The following DLG2 variants were observed in gnomAD, a reference collection of about 807,000 sequenced individuals.
DLG2 encodes disks large homolog 2.
In DLG2, 45 loss-of-function variants were observed where a neutral mutation model predicts 132.5. The observed-to-expected ratio is 0.34, with a 90% CI of 0.27 to 0.44. DLG2 has a LOEUF of 0.44. DLG2 is among the 20% of genes least tolerant of loss of function. The pLI is 1.00. For synonymous variants in DLG2, 424 were observed against 419.6 expected (o/e 1.01, Z -0.13); for missense variants, 1,045 against 1,196.9 (o/e 0.87, Z 1.87).
At chr11:84,920,332 T>C (rs1306644363) in intron 6 of DLG2, among the ~76,000 whole-genome samples, 5 of 152,194 alleles carry the variant, frequency 3.3e-5, no homozygotes, top group Non-Finnish European at 5.9e-5. Context: ...CCAGCATGCC[T>C]TCCTTACTCC....
At chr11:83,843,221 G>C (rs1272240423) in intron 16 of DLG2, among the ~76,000 whole-genome samples, 1 of 152,022 alleles carries the variant, frequency 6.6e-6, no homozygotes, top group East Asian at 1.9e-4. Context: ...CTCATCCCAG[G>C]TTGTTCCTCC....
chr11:84,714,623 T>TCTCTCTCTCTCTCTCTCTC (rs2060950060), intron 6 of DLG2, among the ~76,000 whole-genome samples: 1 of 105,044 alleles, frequency 9.5e-6, no homozygotes, highest in Non-Finnish European at 2.0e-5. Flanking sequence ...CTCTTTCTCT[T>TCTCTCTCTCTCTCTCTCTC]TCTCTCTCTC....
intron 6 of DLG2, among the ~76,000 whole-genome samples, chr11:84,961,317 C>T (rs986033462): frequency 2.0e-5 from 3 of 151,820 alleles, no homozygotes; most frequent in African/African-American, 7.3e-5. Flanking sequence ...CCACTACCTC[C>T]CTATGTTATT....
At chr11:84,463,712 T>G (rs2099086521) in intron 7 of DLG2, among the ~76,000 whole-genome samples, 1 of 151,242 alleles carries the variant, frequency 6.6e-6, no homozygotes, top group Middle Eastern at 3.2e-3. Flanking sequence ...CTATCGTGTT[T>G]GATGTACAAT....
At chr11:84,031,820 T>C (rs1349918065) in intron 11 of DLG2, among the ~76,000 whole-genome samples, 1 of 152,210 alleles carries the variant, frequency 6.6e-6, no homozygotes, top group East Asian at 1.9e-4. Context: ...GCATCAAGCA[T>C]GTCTATTGGC....
intron 6 of DLG2, among the ~76,000 whole-genome samples, chr11:84,988,400 A>G (rs1353176739): frequency 6.6e-6 from 1 of 152,228 alleles, no homozygotes. Context: ...TATATGAAAA[A>G]GATACTTGCA....
intron 6 of DLG2, among the ~76,000 whole-genome samples, chr11:84,856,018 G>T (rs1034290914): frequency 2.6e-5 from 4 of 151,926 alleles, no homozygotes. Context: ...TAATTCCCCT[G>T]AAATGGTCAC....
chr11:84,124,168 C>T (rs1375062270), intron 9 of DLG2, among the ~76,000 whole-genome samples: 1 of 152,188 alleles, frequency 6.6e-6, no homozygotes, highest in Admixed American at 6.5e-5. Context: ...CAGGTATTCA[C>T]CTTTGAAATG....
chr11:84,733,425 T>A (rs373514442), intron 6 of DLG2, among the ~76,000 whole-genome samples: 1 of 152,238 alleles, frequency 6.6e-6, no homozygotes, highest in African/African-American at 2.4e-5. Flanking sequence ...GTCTGTTGGC[T>A]GCATAAATGT....
At chr11:84,731,110 C>A (rs537510444) in intron 6 of DLG2, among the ~76,000 whole-genome samples, 1 of 152,030 alleles carries the variant, frequency 6.6e-6, no homozygotes, top group Non-Finnish European at 1.5e-5. Context: ...AATGCTGGTG[C>A]TTTCTTCCTT....
At chr11:84,722,790 A>G (rs1056827625) in intron 6 of DLG2, among the ~76,000 whole-genome samples, 1 of 152,184 alleles carries the variant, frequency 6.6e-6, no homozygotes, top group African/African-American at 2.4e-5. Flanking sequence ...GAGGGCAGCC[A>G]TGCCTAAGGT....
chr11:84,204,674 C>A (rs1332238169), intron 8 of DLG2, among the ~76,000 whole-genome samples: 1 of 152,154 alleles, frequency 6.6e-6, no homozygotes, highest in Non-Finnish European at 1.5e-5. Flanking sequence ...TAAAAACACT[C>A]TACAATGCTT....
intron 9 of DLG2, among the ~76,000 whole-genome samples, chr11:84,155,808 C>T (rs1246820196): frequency 6.6e-6 from 1 of 152,074 alleles, no homozygotes; most frequent in East Asian, 1.9e-4. Flanking sequence ...AGAAATGAGG[C>T]TGGCAAGATG....
At chr11:83,817,966 C>A (rs1217012135) in intron 17 of DLG2, among the ~76,000 whole-genome samples, 1 of 152,142 alleles carries the variant, frequency 6.6e-6, no homozygotes, top group Non-Finnish European at 1.5e-5. Context: ...TTCAAAAACC[C>A]TTCAGTGCAT....
chr11:84,640,195 C>A, intron 6 of DLG2: 1 of 280,702 alleles, frequency 3.6e-6, no homozygotes, highest in South Asian at 3.6e-5. Context: ...TGGCTACTGT[C>A]TGTACTCTTT....
intron 11 of DLG2, among the ~76,000 whole-genome samples, chr11:84,038,540 T>C (rs567634093): frequency 6.6e-6 from 1 of 152,204 alleles, no homozygotes. Flanking sequence ...TATATGTACA[T>C]GGTAGAAAAA....
At chr11:84,457,089 G>A (rs1602460835) in intron 7 of DLG2, among the ~76,000 whole-genome samples, 1 of 151,168 alleles carries the variant, frequency 6.6e-6, no homozygotes, top group South Asian at 2.1e-4. Flanking sequence ...ATAATTCTGA[G>A]TTTATTAACA....
At chr11:83,965,558 G>T in intron 12 of DLG2, 90 bp from the exon 13 acceptor site, 1 of 1,075,942 alleles carries the variant, frequency 9.3e-7, no homozygotes, top group Admixed American at 2.3e-5. Flanking sequence ...ATTATAAATT[G>T]TGATAATTAC....
intron 4 of DLG2, among the ~76,000 whole-genome samples, chr11:85,190,990 C>T (rs796327953): frequency 3.9e-5 from 6 of 152,252 alleles, no homozygotes; most frequent in African/African-American, 1.4e-4. Context: ...TTCAACCCAG[C>T]AATCTCGTTA....
Sources: gnomAD v4.1 joint callset for allele counts (sites outside exome capture counted in the v4.1 genomes callset) on GRCh38, gnomAD v4.1.1 for gene constraint, MANE v1.5 for transcripts, NCBI Gene and HGNC (gene_info 2026-07-23, HGNC 2026-07-21) for gene names.